Variants in EEIG1 observed in about 807,000 individuals in gnomAD.
EEIG1 encodes early estrogen-induced gene 1 protein.
the EEIG1 span, among the ~76,000 whole-genome samples, chr9:127,977,462 G>T: frequency 6.6e-6 from 1 of 152,182 alleles, no homozygotes; most frequent in East Asian, 1.9e-4. Context: ...TCAGCCTGGG[G>T]CTCAAAATTT....
the EEIG1 span, among the ~76,000 whole-genome samples, chr9:127,969,797 C>A: frequency 6.6e-6 from 1 of 152,116 alleles, no homozygotes; most frequent in Non-Finnish European, 1.5e-5. Flanking sequence ...GGCTGCCTTA[C>A]CAGAAAGACC....
chr9:127,980,281 C>T, the EEIG1 span: 1 of 970,464 alleles, frequency 1.0e-6, no homozygotes, highest in South Asian at 1.7e-5. Context: ...GATCGGAGTC[C>T]GGGGCCCCAG....
the EEIG1 span, chr9:127,945,427 C>T: frequency 2.9e-5 from 45 of 1,569,310 alleles, no homozygotes; most frequent in Non-Finnish European, 3.5e-5. The surrounding 1 kb of genome is among the most constrained non-coding windows in gnomAD (Gnocchi z 6.5). Flanking sequence ...CTCCGGGGGC[C>T]GGTGCTCCCG....
chr9:127,964,421 G>A, the EEIG1 span, among the ~76,000 whole-genome samples: 8 of 152,328 alleles, frequency 5.3e-5, no homozygotes, highest in South Asian at 2.1e-4. Flanking sequence ...CCAGGGTGAC[G>A]TGGGGCCAGG....
the EEIG1 span, among the ~76,000 whole-genome samples, chr9:127,955,863 G>T: frequency 6.6e-6 from 1 of 152,256 alleles, no homozygotes; most frequent in African/African-American, 2.4e-5. Context: ...CAAGAGGGCA[G>T]GCAGACCTGG....
chr9:127,941,787 G>C, the EEIG1 span: 4 of 152,332 alleles, frequency 2.6e-5, no homozygotes, highest in African/African-American at 9.6e-5. Flanking sequence ...AGGTGGGGCA[G>C]AAAAGCAGCA....
chr9:127,945,778 G>T, the EEIG1 span: 2 of 1,493,694 alleles, frequency 1.3e-6, no homozygotes, highest in South Asian at 1.2e-5. The surrounding 1 kb of genome is among the most constrained non-coding windows in gnomAD (Gnocchi z 6.5). Flanking sequence ...GGGGCAGGGG[G>T]TGAGGTGACA....
At chr9:127,949,311 CAAAAAAAAAA>C in the EEIG1 span, among the ~76,000 whole-genome samples, 3 of 90,160 alleles carry the variant, frequency 3.3e-5, no homozygotes, top group East Asian at 3.4e-4. Context: ...GACTCTGTCT[CAAAAAAAAAA>C]AAAAAAAAAA....
chr9:127,961,777 T>C, the EEIG1 span, among the ~76,000 whole-genome samples: 2 of 148,480 alleles, frequency 1.3e-5, no homozygotes, highest in Admixed American at 1.4e-4. Flanking sequence ...GCCACAGATA[T>C]CTGGGGGAAG....
chr9:127,946,868 T>C, the EEIG1 span, among the ~76,000 whole-genome samples: 1 of 152,182 alleles, frequency 6.6e-6, no homozygotes, highest in Non-Finnish European at 1.5e-5. Flanking sequence ...GTGCTCTAAC[T>C]GATTCTGTGG....
chr9:127,957,577 G>C, the EEIG1 span, among the ~76,000 whole-genome samples: 1 of 152,214 alleles, frequency 6.6e-6, no homozygotes, highest in Admixed American at 6.5e-5. Flanking sequence ...CCCCACGCTG[G>C]CTTCTTGGCA....
chr9:127,968,623 G>C, the EEIG1 span, among the ~76,000 whole-genome samples: 2 of 152,196 alleles, frequency 1.3e-5, no homozygotes, highest in African/African-American at 4.8e-5. Flanking sequence ...CAGAGTGTAA[G>C]GGGCCAGGGG....
At chr9:127,953,550 T>G in the EEIG1 span, 4 of 1,611,896 alleles carry the variant, frequency 2.5e-6, no homozygotes, top group Non-Finnish European at 3.4e-6. Flanking sequence ...TCCATCCCAC[T>G]GCCCCTTCAC....
At chr9:127,948,339 C>T in the EEIG1 span, 1 of 1,613,892 alleles carries the variant, frequency 6.2e-7, no homozygotes, top group Admixed American at 1.7e-5. Flanking sequence ...GGGCTCCCAT[C>T]CGCTCCCTAG....
chr9:127,969,926 C>T, the EEIG1 span, among the ~76,000 whole-genome samples: 1 of 152,070 alleles, frequency 6.6e-6, no homozygotes, highest in African/African-American at 2.4e-5. Context: ...CATCTCGAGT[C>T]TTGTTTCTGG....
chr9:127,954,370 G>A, the EEIG1 span, among the ~76,000 whole-genome samples: 3 of 152,166 alleles, frequency 2.0e-5, no homozygotes, highest in South Asian at 2.1e-4. Context: ...TGAAGAGACC[G>A]AGGCTAGGCA....
At chr9:127,967,429 T>C in the EEIG1 span, among the ~76,000 whole-genome samples, 1 of 152,204 alleles carries the variant, frequency 6.6e-6, no homozygotes, top group Non-Finnish European at 1.5e-5. Context: ...GCCCAAGGTC[T>C]ACTGGCCGGG....
the EEIG1 span, chr9:127,940,939 A>G: frequency 7.2e-5 from 11 of 152,216 alleles, no homozygotes; most frequent in African/African-American, 2.7e-4. Context: ...ACTTTCAAGA[A>G]GATTCCAAAC....
At chr9:127,954,522 T>C in the EEIG1 span, among the ~76,000 whole-genome samples, 2 of 152,190 alleles carry the variant, frequency 1.3e-5, no homozygotes, top group East Asian at 3.9e-4. Flanking sequence ...GTGATTCCCA[T>C]GTGCCAGGCA....
Sources: allele counts gnomAD v4.1 joint callset (sites outside exome capture counted in the v4.1 genomes callset), GRCh38; gene constraint gnomAD v4.1.1; non-coding constraint Gnocchi (gnomAD v3.1); transcripts MANE v1.5; gene names NCBI Gene and HGNC (gene_info 2026-07-23, HGNC 2026-07-21).